Variants in SPTBN2 observed in about 807,000 individuals in gnomAD.
The protein encoded by SPTBN2 is spectrin beta, non-erythrocytic 2, also known as spectrin beta chain, non-erythrocytic 2.
A neutral mutation model predicts 284.2 loss-of-function variants in SPTBN2; 107 were observed. That is an observed-to-expected ratio of 0.38 (90% CI 0.32 to 0.44). The LOEUF is 0.44. Ranked by LOEUF, SPTBN2 falls within the 20% of genes least tolerant of loss-of-function variation. SPTBN2 has a pLI of 1.00. For missense variants in SPTBN2, 2,569 were observed against 3,287.1 expected (o/e 0.78, Z 5.34); for synonymous variants, 1,289 against 1,354.8 (o/e 0.95, Z 1.07).
Position 66,701,290 on chromosome 11 carries a change from CA to C in SPTBN2, c.2817-9del, listed in dbSNP as rs1941233905. On this transcript the variant is annotated splice_polypyrimidine_tract_variant and intron_variant, in intron 16 of 37. Transcript: ENST00000533211. ...CGCCGAAACTGCTGCCACCTGAGAG[CA>C]GGGGGAAGGTTCAGCTTCCTGCCCT... 1.9e-6 allele frequency: 3 copies of C among 1,611,358 alleles called. No homozygotes were observed. Among genetic ancestry groups the C allele is most frequent in the East Asian group, 2.2e-5 (1 of 44,870 alleles).
In SPTBN2 at chr11:66,704,942, G is replaced by A. The variant is rs777602838; in HGVS notation, c.2334C>T (p.Asp778=). 5.2e-5 allele frequency: 84 copies of A among 1,610,792 alleles called. 1 individual carries two copies. The South Asian group carries it at 7.5e-4, about 14-fold the overall frequency. The part of the protein sequence containing the change: ...RLVSSPELGH[D]EFSTQALARQ... ...TGGCTAGAGCCTGCGTGGAGAACTC[G>A]TCGTGCCCCAGCTCGGGGCTGGACA... Residue 778 remains aspartate (D), a synonymous_variant, in exon 15 of 38, where the codon GAC becomes GAT. Coordinates refer to ENST00000533211, the MANE Select transcript of SPTBN2 (RefSeq NM_006946.4).
At position 66,709,009 on chromosome 11, in the gene SPTBN2, T is replaced by C; in HGVS notation, c.1084A>G (p.Lys362Glu). Residue 362 changes from lysine (K) to glutamate (E), a missense_variant, in exon 11 of 38, where the codon AAA becomes GAA. Physicochemically the swap from Lys to Glu is moderately conservative, Grantham distance 56 (BLOSUM62 1). Around this residue, in one of 6 missense-constraint regions of SPTBN2, gnomAD observed 304 missense variants for 522.1 expected, o/e 0.58. Transcript: ENST00000533211. ...AAGAGCAGCACTTCCAAGTTCCCTT[T>C]CTCGGTAAACCTGAGGCAGGAGGCC... ...TVEKPPKFTEKGNLEVLLFTI... is the reference protein window; with the variant it reads ...TVEKPPKFTEEGNLEVLLFTI... The C allele has an allele frequency of 6.2e-7, 1 of 1,613,928 alleles. No individual in the cohort carries two copies. The highest frequency in any genetic ancestry group is 8.5e-7 in the Non-Finnish European group (1 of 1,179,922).
rs145397478 is a variant in SPTBN2 at position 66,711,541 on chromosome 11, G to A, written c.773-512C>T. ...CACCATCTCCAGGTGTGATCACGCC[G>A]TTTCTAACCTCAATCCTAAAGCTCA... On this transcript the variant is annotated intron_variant, in intron 8 of 37. Coordinates refer to ENST00000533211, the MANE Select transcript of SPTBN2 (RefSeq NM_006946.4). 9.2e-5 allele frequency among the ~76,000 whole-genome samples: 14 copies of A among 152,308 alleles called. No individual in the cohort carries two copies. In the East Asian group the frequency reaches 1.9e-3, roughly 21 times the overall value.
At chr11:66,722,013 C>T (rs1942426551) in intron 1 of SPTBN2, among the ~76,000 whole-genome samples, 1 of 151,978 alleles carries the variant, frequency 6.6e-6, no homozygotes, top group Non-Finnish European at 1.5e-5. Context: ...AAAAAAAGAC[C>T]TAGATTCTGC....
rs377573278 is a variant in SPTBN2 at position 66,721,187 on chromosome 11, C to A, written c.54G>T (p.Gln18His). Residue 18 changes from glutamine (Q) to histidine (H), a missense_variant, in exon 3 of 38, where the codon CAG becomes CAT. Transcript: ENST00000533211. ...CCCAGCGGTTGTTGATGTCACTGTACTGGCCCTGGATTTCCAAGCTGTCAA... is the reference window on the plus strand; with the variant it reads ...CCCAGCGGTTGTTGATGTCACTGTAATGGCCCTGGATTTCCAAGCTGTCAA... ...TDFDSLEIQG[Q>H]YSDINNRWDL... The A allele has an allele frequency of 1.2e-6, 2 of 1,614,212 alleles. No homozygotes were observed. Among genetic ancestry groups the A allele is most frequent in the Admixed American group, 3.3e-5 (2 of 60,032 alleles).
At chr11:66,690,974 T>G (rs1940504571) in intron 27 of SPTBN2, among the ~76,000 whole-genome samples, 1 of 152,078 alleles carries the variant, frequency 6.6e-6, no homozygotes, top group Admixed American at 6.6e-5. Flanking sequence ...TGCGCCACCA[T>G]GCCTGGCTAA....
At chr11:66,714,639 T>G (rs1590968236) in intron 5 of SPTBN2, among the ~76,000 whole-genome samples, 1 of 152,036 alleles carries the variant, frequency 6.6e-6, no homozygotes, top group Non-Finnish European at 1.5e-5. Flanking sequence ...GAGTGGAGGG[T>G]GCTGGTCCCT....
At chr11:66,744,642 G>C in exon 1 of SPTBN2, 1 of 355,018 alleles carries the variant, frequency 2.8e-6, no homozygotes, top group Non-Finnish European at 4.2e-6. Context: ...GGTGGCTCCC[G>C]GCGGCGGTTC....
rs1042146441 is a variant in SPTBN2 at position 66,688,748 on chromosome 11, C to T, written c.6136G>A (p.Asp2046Asn). ...CGCTTGATGAGGCTCTCAACTTCGT[C>T]GACCGTGCAACCCAGCTCAGCGCTG... The part of the protein sequence containing the change: ...VRSAELGCTV[D>N]EVESLIKRHE... Residue 2046 changes from aspartate to asparagine, a missense_variant, in exon 31 of 38, where the codon GAC becomes AAC. Physicochemically the swap from Asp to Asn is conservative, Grantham distance 23. Around this residue, in one of 6 missense-constraint regions of SPTBN2, gnomAD observed 1,130 missense variants for 1,317.3 expected, o/e 0.86. Transcript: ENST00000533211. The T allele has an allele frequency of 1.9e-6, 3 of 1,613,614 alleles. No individual in the cohort carries two copies. The highest frequency in any genetic ancestry group is 1.1e-5 in the South Asian group (1 of 91,088).
At position 66,685,948 on chromosome 11, in the gene SPTBN2, G is replaced by A. The variant is rs1940076802; in HGVS notation, c.7096C>T (p.Pro2366Ser). 6.2e-7 allele frequency: 1 copy of A among 1,613,854 alleles called. No individual in the cohort carries two copies. The highest frequency in any genetic ancestry group is 8.5e-7 in the Non-Finnish European group (1 of 1,180,026). The stretch of plus-strand genomic sequence containing the variant: ...CCGTCTTTGCTGCGGAGCACAACAG[G>A]CCCCTCAGCCCCGACGGGTGACACT... ...PPVSPVGAEGPVVLRSKDGRE... is the reference protein window; with the variant it reads ...PPVSPVGAEGSVVLRSKDGRE... The change falls in exon 38 of 38, where the codon CCT (proline) becomes TCT (serine). Residue 2366 changes from proline (P) to serine (S), a missense_variant. Pro to Ser is a moderately conservative substitution (Grantham distance 74). This residue lies in a region of SPTBN2 where 1,130 missense variants were observed against 1,317.3 expected (regional missense o/e 0.86). Transcript: ENST00000533211. The surrounding 1 kb of genome is among the most constrained non-coding windows in gnomAD (Gnocchi z 4.4).
At chr11:66,743,376 G>A (rs2135618529) in intron 1 of SPTBN2, among the ~76,000 whole-genome samples, 1 of 152,288 alleles carries the variant, frequency 6.6e-6, no homozygotes, top group African/African-American at 2.4e-5. Flanking sequence ...GTTGTGTACT[G>A]GGCAGGCACT....
rs1047649332 is a variant in SPTBN2 at position 66,684,764 on chromosome 11, C to A, written c.*1107G>T. On this transcript the variant is annotated 3_prime_UTR_variant, in exon 38 of 38. Transcript: ENST00000533211. ...ATCAGTTTATTGGAACCTGCCACTT[C>A]TCAGATCCCTGTCTGAGGTCCCTTG... is the stretch of plus-strand genomic sequence containing the variant. Among the ~76,000 whole-genome samples, 1 of 152,110 alleles carries A rather than the reference C, an allele frequency of 6.6e-6. No individual in the cohort carries two copies. The highest frequency in any genetic ancestry group is 1.5e-5 in the Non-Finnish European group (1 of 68,024).
In SPTBN2 at chr11:66,694,010, T is replaced by C. The variant is rs1940744300; in HGVS notation, c.4503+129A>G. ...TGGGAGGCATCTCCAAGTCTCCCTA[T>C]AGGGGAGATGGTCAATGCCAAAGAG... is the stretch of plus-strand genomic sequence containing the variant. On this transcript the variant is annotated intron_variant, in intron 22 of 37. Coordinates refer to ENST00000533211, the MANE Select transcript of SPTBN2 (RefSeq NM_006946.4). The C allele has an allele frequency of 8.3e-6, 11 of 1,329,596 alleles. No homozygotes were observed. In the East Asian group the frequency reaches 2.1e-4, roughly 26 times the overall value. The allele number at this position is 1,329,596 out of a possible 1,614,324, so 82.4% of individuals were successfully genotyped here.
At chr11:66,713,055 A>G (rs1437368408) in intron 8 of SPTBN2, 1 of 156,774 alleles carries the variant, frequency 6.4e-6, no homozygotes, top group Non-Finnish European at 1.4e-5. Flanking sequence ...AAGAGCCCTT[A>G]GAGACCAATT....
chr11:66,730,003 T>C (rs1942777924), upstream of SPTBN2, among the ~76,000 whole-genome samples: 1 of 152,082 alleles, frequency 6.6e-6, no homozygotes, highest in African/African-American at 2.4e-5. Context: ...AGTTTTGCCA[T>C]GTTGGCCAGG....
chr11:66,715,437 T>C lies in SPTBN2; in HGVS notation c.310-42A>G. ...GCAAAATGGCACGGGACTGTGGGCT[T>C]CCACCTTCTTCCCCAGCCTTCACAG... On this transcript the variant is annotated intron_variant, in intron 4 of 37. Transcript: ENST00000533211. This position sits in a 1 kb window ranked among gnomAD's most constrained non-coding sequence, Gnocchi z 5.3. 1.3e-6 allele frequency: 2 copies of C among 1,580,042 alleles called. No individual in the cohort carries two copies. Among genetic ancestry groups the C allele is most frequent in the Non-Finnish European group, 1.7e-6 (2 of 1,160,166 alleles).
intron 1 of SPTBN2, among the ~76,000 whole-genome samples, chr11:66,742,016 G>C (rs7120487): frequency 0.011 from 1,643 of 152,062 alleles, 35 homozygotes; most frequent in African/African-American, 0.037. Flanking sequence ...GAGACAGGCT[G>C]TCACTATAAT....
At position 66,715,819 on chromosome 11, in the gene SPTBN2, C is replaced by T. The variant is rs1478596374; in HGVS notation, c.309+11G>A. ...AAGGCCCCCCCACTTCCCTTCATGA[C>T]CACAGCTCACCAGTATCTCTCCCGA... On this transcript the variant is annotated intron_variant, in intron 4 of 37. Transcript: ENST00000533211. The surrounding 1 kb of genome is among the most constrained non-coding windows in gnomAD (Gnocchi z 5.3). 3.1e-6 allele frequency: 5 copies of T among 1,613,810 alleles called. No individual in the cohort carries two copies. Among genetic ancestry groups the T allele is most frequent in the Admixed American group, 1.7e-5 (1 of 59,978 alleles).
intron 8 of SPTBN2, chr11:66,712,611 G>C (rs1941926891): frequency 6.6e-6 from 1 of 151,986 alleles, no homozygotes; most frequent in Non-Finnish European, 1.5e-5. Flanking sequence ...ATTATGACCA[G>C]AACCACAGGA....
Sources: gnomAD v4.1 joint callset for allele counts (sites outside exome capture counted in the v4.1 genomes callset) on GRCh38, gnomAD v4.1.1 for gene constraint, gnomAD v4.1.1 regional missense constraint, Gnocchi (gnomAD v3.1) non-coding constraint, MANE v1.5 for transcripts, NCBI Gene and HGNC (gene_info 2026-07-23, HGNC 2026-07-21) for gene names.